BNC2: variants seen among roughly 807,000 people sequenced by gnomAD.
BNC2 encodes the protein basonuclin zinc finger protein 2, also known as zinc finger protein basonuclin-2.
Under a neutral mutation model 76.3 loss-of-function variants are expected in BNC2, and 20 were observed. The observed-to-expected ratio is 0.26, with a 90% CI of 0.18 to 0.38. The LOEUF (loss-of-function observed/expected upper bound fraction) is 0.38, where lower values mean the gene tolerates loss of function less well. Ranked by LOEUF, BNC2 falls within the 10% of genes least tolerant of loss-of-function variation. BNC2 has a pLI of 1.00. For synonymous variants in BNC2, 582 were observed against 514.8 expected (o/e 1.13, Z -1.77); for missense variants, 1,382 against 1,399.8 (o/e 0.99, Z 0.20).
intron 5 of BNC2, among the ~76,000 whole-genome samples, chr9:16,509,405 A>C (rs1411250308): frequency 6.6e-6 from 1 of 152,198 alleles, no homozygotes; most frequent in Non-Finnish European, 1.5e-5. Context: ...AATGTCTCTA[A>C]CTGTTGGGAG....
chr9:16,655,493 T>C (rs887764733), intron 3 of BNC2, among the ~76,000 whole-genome samples: 3 of 152,060 alleles, frequency 2.0e-5, no homozygotes, highest in Non-Finnish European at 2.9e-5. Flanking sequence ...TCCTTGACTA[T>C]CTATCTGAAA....
chr9:16,743,722 T>C (rs1252380795), intron 1 of BNC2, among the ~76,000 whole-genome samples: 1 of 152,210 alleles, frequency 6.6e-6, no homozygotes, highest in Non-Finnish European at 1.5e-5. Context: ...TTGGGGTTCT[T>C]TCCATTCACA....
chr9:16,492,352 C>T (rs1822296332), intron 5 of BNC2, among the ~76,000 whole-genome samples: 1 of 152,160 alleles, frequency 6.6e-6, no homozygotes, highest in Non-Finnish European at 1.5e-5. Context: ...TGAGCACAAC[C>T]ATCCATACTT....
At chr9:16,438,972 C>T (rs1335775567) in intron 5 of BNC2, among the ~76,000 whole-genome samples, 2 of 152,038 alleles carry the variant, frequency 1.3e-5, no homozygotes, top group African/African-American at 2.4e-5. Context: ...GGGAGGGAGC[C>T]GGTGGAAGTT....
chr9:16,804,934 C>T (rs988287453), intron 1 of BNC2, among the ~76,000 whole-genome samples: 4 of 151,940 alleles, frequency 2.6e-5, no homozygotes, highest in Non-Finnish European at 5.9e-5. Flanking sequence ...TGGTGGCATG[C>T]GCCTGTAGTC....
intron 5 of BNC2, among the ~76,000 whole-genome samples, chr9:16,459,749 T>TA (rs1342530628): frequency 2.0e-5 from 3 of 152,076 alleles, no homozygotes; most frequent in African/African-American, 7.2e-5. Flanking sequence ...AATCACAAGT[T>TA]AGTCTAGTGG....
intron 6 of BNC2, chr9:16,435,247 G>A (rs1245926498): frequency 9.0e-6 from 4 of 444,630 alleles, no homozygotes; most frequent in Admixed American, 6.9e-5. Context: ...AGGGAACCGT[G>A]TACATAGTTA....
intron 3 of BNC2, among the ~76,000 whole-genome samples, chr9:16,699,499 TGA>T (rs1347728302): frequency 3.9e-5 from 6 of 152,126 alleles, no homozygotes; most frequent in African/African-American, 1.4e-4. Flanking sequence ...TCTGCAAGAG[TGA>T]CACAAGTATT....
chr9:16,781,215 T>C (rs1219520673), intron 1 of BNC2, among the ~76,000 whole-genome samples: 3 of 38,888 alleles, frequency 7.7e-5, no homozygotes, highest in African/African-American at 2.0e-4. Context: ...ACAAAAAAGA[T>C]TCATTTTCAA....
intron 1 of BNC2, among the ~76,000 whole-genome samples, chr9:16,850,834 T>C (rs375828705): frequency 6.6e-6 from 1 of 152,040 alleles, no homozygotes; most frequent in Non-Finnish European, 1.5e-5. Context: ...AAAATAGAAT[T>C]ATCTTGTTTT....
intron 3 of BNC2, among the ~76,000 whole-genome samples, chr9:16,620,753 G>A (rs76312474): frequency 0.016 from 2,418 of 151,846 alleles, 81 homozygotes; most frequent in African/African-American, 0.055. Flanking sequence ...GAACAATGCT[G>A]ATCATTCTGA....
chr9:16,467,739 A>G (rs1208452830), intron 5 of BNC2, among the ~76,000 whole-genome samples: 3 of 143,494 alleles, frequency 2.1e-5, no homozygotes, highest in Non-Finnish European at 3.0e-5. Context: ...GCTAGATGAC[A>G]CGTTAGTGGG....
At chr9:16,546,583 C>T (rs1818489968) in intron 5 of BNC2, among the ~76,000 whole-genome samples, 1 of 152,066 alleles carries the variant, frequency 6.6e-6, no homozygotes, top group Non-Finnish European at 1.5e-5. Flanking sequence ...TGGTTTTAGT[C>T]ACAGAAATGA....
At chr9:16,506,940 A>G (rs1822641941) in intron 5 of BNC2, among the ~76,000 whole-genome samples, 1 of 151,882 alleles carries the variant, frequency 6.6e-6, no homozygotes, top group African/African-American at 2.4e-5. Flanking sequence ...TTAGTAAGAG[A>G]CAAGGTTTCA....
At chr9:16,431,080 A>C (rs1359423056) in intron 6 of BNC2, among the ~76,000 whole-genome samples, 2 of 152,242 alleles carry the variant, frequency 1.3e-5, no homozygotes, top group Non-Finnish European at 2.9e-5. Flanking sequence ...CAAAGATAGT[A>C]AAACTCATGT....
intron 1 of BNC2, among the ~76,000 whole-genome samples, chr9:16,858,418 T>A (rs1819315236): frequency 1.3e-5 from 2 of 152,204 alleles, no homozygotes; most frequent in African/African-American, 4.8e-5. Flanking sequence ...TACCAAGACT[T>A]TTTTACCTAA....
chr9:16,503,377 C>T (rs1822561225), intron 5 of BNC2, among the ~76,000 whole-genome samples: 1 of 152,106 alleles, frequency 6.6e-6, no homozygotes, highest in Non-Finnish European at 1.5e-5. Flanking sequence ...CAATCCTGTG[C>T]CTACTCTAAT....
In BNC2 at chr9:16,660,401, C is replaced by T. The variant is rs555562457; in HGVS notation, c.330+67396G>A. ...CCTGGGAGGCAGAAGTTGCAGTGAG[C>T]TGAGATCGTGCCACTGCACTCCAGA... On this transcript the variant is annotated intron_variant, in intron 3 of 6. Transcript: ENST00000380672. Among the ~76,000 whole-genome samples, 9 of 151,238 alleles carry T rather than the reference C, an allele frequency of 6.0e-5. No individual in the cohort carries two copies. The South Asian group carries it at 1.9e-3, about 32-fold the overall frequency.
At chr9:16,721,585 G>A (rs941664694) in intron 3 of BNC2, among the ~76,000 whole-genome samples, 1 of 152,058 alleles carries the variant, frequency 6.6e-6, no homozygotes, top group Admixed American at 6.6e-5. Context: ...CCACAAAAGC[G>A]TACCACCAAA....
Sources: gnomAD v4.1 joint callset for allele counts (sites outside exome capture counted in the v4.1 genomes callset) on GRCh38, gnomAD v4.1.1 for gene constraint, MANE v1.5 for transcripts, NCBI Gene and HGNC (gene_info 2026-07-23, HGNC 2026-07-21) for gene names.